The following NSF variants were observed in gnomAD, a reference collection of about 807,000 sequenced individuals.
The protein encoded by NSF is N-ethylmaleimide sensitive factor, vesicle fusing ATPase, also known as vesicle-fusing ATPase.
A neutral mutation model predicts 50.3 loss-of-function variants in NSF; 14 were observed. That is an observed-to-expected ratio of 0.28 (90% CI 0.18 to 0.44). The LOEUF is 0.44. Ranked by LOEUF, NSF falls within the 20% of genes least tolerant of loss-of-function variation. The pLI is 1.00. For missense variants in NSF, 218 were observed against 504.3 expected (o/e 0.43, Z 5.44); for synonymous variants, 109 against 175.7 (o/e 0.62, Z 3.00).
chr17:46,635,777 A>AT (rs575728163), intron 4 of NSF, among the ~76,000 whole-genome samples: 2 of 116,704 alleles, frequency 1.7e-5, no homozygotes, highest in Non-Finnish European at 3.8e-5. Flanking sequence ...GGGAAAATAA[A>AT]TGTGTGTGTG....
chr17:46,746,810 T>C (rs1267059893), intron 17 of NSF, among the ~76,000 whole-genome samples: 1 of 152,200 alleles, frequency 6.6e-6, no homozygotes, highest in East Asian at 1.9e-4. Flanking sequence ...ATTCAATAGC[T>C]TCATCAGTAA....
At position 46,747,538 on chromosome 17, in the gene NSF, C is replaced by T. The variant is rs142262847; in HGVS notation, c.1909-2235C>T. On this transcript the variant is annotated intron_variant, in intron 17 of 20. Coordinates refer to ENST00000398238, the MANE Select transcript of NSF (RefSeq NM_006178.4). ...CAAGTGATCTGTCCATCTCAGCCTC[C>T]CAAAGTGCTGGGATTACAGGTGTGA... Among the ~76,000 whole-genome samples, 874 of 152,184 alleles carry T rather than the reference C, an allele frequency of 5.7e-3. 1 individual carries two copies. Among genetic ancestry groups the T allele is most frequent in the Non-Finnish European group, 7.2e-3 (490 of 68,004 alleles).
chr17:46,735,143 G>T (rs972026559), intron 17 of NSF, among the ~76,000 whole-genome samples: 1 of 152,080 alleles, frequency 6.6e-6, no homozygotes, highest in African/African-American at 2.4e-5. Flanking sequence ...TCAAAATAGG[G>T]TTTTGTTTTG....
At chr17:46,605,007 G>A (rs139877140) in intron 1 of NSF, among the ~76,000 whole-genome samples, 139 of 1,112 alleles carry the variant, frequency 0.12, 1 homozygote, top group East Asian at 0.43. Context: ...GAATGAGGCA[G>A]AGGCAGTATT....
At chr17:46,748,229 A>G (rs1190572644) in intron 17 of NSF, among the ~76,000 whole-genome samples, 1 of 151,930 alleles carries the variant, frequency 6.6e-6, no homozygotes, top group Non-Finnish European at 1.5e-5. Flanking sequence ...CTCCTACCTC[A>G]ACCTCCCAAG....
chr17:46,735,382 ACGT>A (rs1450779693), intron 17 of NSF, among the ~76,000 whole-genome samples: 6 of 152,022 alleles, frequency 3.9e-5, no homozygotes, highest in African/African-American at 1.4e-4. Flanking sequence ...GGGGATTATA[ACGT>A]CGTAGTAGTC....
intron 14 of NSF, among the ~76,000 whole-genome samples, chr17:46,712,839 G>C (rs1321193317): frequency 6.6e-6 from 1 of 152,154 alleles, no homozygotes; most frequent in Non-Finnish European, 1.5e-5. Flanking sequence ...AAGAGAGAAT[G>C]TGTGTTACAG....
intron 17 of NSF, among the ~76,000 whole-genome samples, chr17:46,745,262 T>C (rs1197768163): frequency 6.6e-6 from 1 of 152,212 alleles, no homozygotes; most frequent in Non-Finnish European, 1.5e-5. Flanking sequence ...TGATAAAGCT[T>C]CCTTATGAGC....
At chr17:46,743,670 A>T (rs1402128997) in intron 17 of NSF, among the ~76,000 whole-genome samples, 1 of 152,190 alleles carries the variant, frequency 6.6e-6, no homozygotes, top group Non-Finnish European at 1.5e-5. Flanking sequence ...TAAAAGGTGC[A>T]GCATGGTCCC....
intron 17 of NSF, among the ~76,000 whole-genome samples, chr17:46,748,017 A>G (rs565992922): frequency 1.3e-5 from 2 of 152,348 alleles, no homozygotes; most frequent in African/African-American, 4.8e-5. Flanking sequence ...AAAAGGTTAG[A>G]AACAAAAGAT....
chr17:46,750,530 AT>A (rs1441632906), intron 18 of NSF, among the ~76,000 whole-genome samples: 2 of 152,186 alleles, frequency 1.3e-5, no homozygotes, highest in African/African-American at 4.8e-5. Flanking sequence ...AGCATTTTAG[AT>A]TTCAGACTTT....
chr17:46,713,799 T>G (rs1410828900), intron 14 of NSF, 54 bp from the exon 15 acceptor site: 1 of 1,572,714 alleles, frequency 6.4e-7, no homozygotes, highest in Non-Finnish European at 8.6e-7. Context: ...CTTGTTTTAT[T>G]TCCCTTTGCT....
chr17:46,711,600 C>T (rs201540282), intron 14 of NSF, among the ~76,000 whole-genome samples: 19 of 152,256 alleles, frequency 1.2e-4, no homozygotes, highest in Non-Finnish European at 2.2e-4. Context: ...ACTAGAGATG[C>T]TATTTAATCT....
At chr17:46,749,938 T>G (rs1385809283) in intron 18 of NSF, 31 bp downstream of exon 18, 1 of 1,603,056 alleles carries the variant, frequency 6.2e-7, no homozygotes, top group Admixed American at 1.7e-5. Context: ...TGCACACTGT[T>G]TATAAGAAAG....
intron 9 of NSF, among the ~76,000 whole-genome samples, chr17:46,681,676 A>G (rs1284026105): frequency 9.6e-6 from 1 of 104,210 alleles, no homozygotes; most frequent in Non-Finnish European, 1.8e-5. Flanking sequence ...TAGTGCTTTA[A>G]GTCTGCTTGT....
rs2058838030 is a variant in NSF at position 46,722,189 on chromosome 17, G to A, written c.1762-4360G>A. ...ACATGGCTTTCTCCTGGGAGAACTT[G>A]CAGCGCCTGCTTAGGAAGAGACCCA... On this transcript the variant is annotated intron_variant, in intron 15 of 20. Coordinates refer to ENST00000398238, the MANE Select transcript of NSF (RefSeq NM_006178.4). The A allele has an allele frequency of 7.5e-6, 12 of 1,601,098 alleles. No homozygotes were observed. In the South Asian group the frequency reaches 1.2e-4, roughly 16 times the overall value.
intron 13 of NSF, among the ~76,000 whole-genome samples, chr17:46,710,165 A>G (rs944304997): frequency 6.6e-6 from 1 of 152,170 alleles, no homozygotes; most frequent in Non-Finnish European, 1.5e-5. Context: ...TGATCTTTAC[A>G]TGTACATGAT....
At chr17:46,694,401 A>C in intron 11 of NSF, 74 bp from the exon 12 acceptor site, 1 of 1,128,448 alleles carries the variant, frequency 8.9e-7, no homozygotes, top group Non-Finnish European at 1.2e-6. Flanking sequence ...TAATAGTAAT[A>C]ATAATAATGA....
chr17:46,610,077 C>CT (rs2058000051), intron 1 of NSF, among the ~76,000 whole-genome samples: 4 of 90,192 alleles, frequency 4.4e-5, no homozygotes, highest in African/African-American at 1.7e-4. Flanking sequence ...CCTTTCTTTC[C>CT]TTCTTTCTTT....
Sources: gnomAD v4.1 joint callset for allele counts (sites outside exome capture counted in the v4.1 genomes callset) on GRCh38, gnomAD v4.1.1 for gene constraint, MANE v1.5 for transcripts, NCBI Gene and HGNC (gene_info 2026-07-23, HGNC 2026-07-21) for gene names.